The following MTREX variants were observed in gnomAD, a reference collection of about 807,000 sequenced individuals.
The protein encoded by MTREX is exosome RNA helicase MTR4.
A neutral mutation model predicts 135.4 loss-of-function variants in MTREX; 76 were observed. The ratio of observed to expected loss-of-function variants is 0.56; its 90% CI spans 0.47 to 0.68. The LOEUF is 0.68. Among genes scored for constraint, MTREX ranks in the 30% least tolerant of loss-of-function variants. The pLI, the probability that MTREX is intolerant of heterozygous loss-of-function variation, is 0.00. For synonymous variants in MTREX, 404 were observed against 401.6 expected, an observed-to-expected ratio of 1.01 and a Z score of -0.07; for missense variants, 920 against 1,262.1, an observed-to-expected ratio of 0.73 and a Z score of 4.11.
rs773471816 is a variant in MTREX at position 55,346,994 on chromosome 5, T to G, written c.1109-19T>G. 2.3e-5 allele frequency: 36 copies of G among 1,591,254 alleles called. No individual in the cohort carries two copies. Among genetic ancestry groups the G allele is most frequent in the Admixed American group, 1.5e-4 (8 of 54,980 alleles). ...TCTATTTTGAGTTAATTTTGGTGTGTTGTTTACTGTTTTTGCAGGACCATC... is the reference window on the plus strand; with the variant it reads ...TCTATTTTGAGTTAATTTTGGTGTGGTGTTTACTGTTTTTGCAGGACCATC... On this transcript the variant is annotated intron_variant, in intron 10 of 26. Coordinates refer to ENST00000230640, the MANE Select transcript of MTREX (RefSeq NM_015360.5).
At chr5:55,383,978 C>G (rs911965703) in intron 18 of MTREX, among the ~76,000 whole-genome samples, 14 of 152,144 alleles carry the variant, frequency 9.2e-5, no homozygotes, top group Admixed American at 8.5e-4. Context: ...ATTACATTGC[C>G]CAGGCTGGTT....
intron 1 of MTREX, among the ~76,000 whole-genome samples, chr5:55,314,460 C>T (rs1749166493): frequency 6.6e-6 from 1 of 152,094 alleles, no homozygotes; most frequent in Non-Finnish European, 1.5e-5. Flanking sequence ...AAGAAGGAAG[C>T]TGAAGGGAGA....
intron 10 of MTREX, among the ~76,000 whole-genome samples, chr5:55,345,664 A>ATTTTTTTTTTTTTTT (rs553778793): frequency 7.5e-6 from 1 of 132,860 alleles, no homozygotes. Flanking sequence ...GTTACTTTTA[A>ATTTTTTTTTTTTTTT]TTTTTTTTTT....
At chr5:55,386,171 T>C (rs1319588577) in intron 18 of MTREX, among the ~76,000 whole-genome samples, 1 of 152,206 alleles carries the variant, frequency 6.6e-6, no homozygotes, top group Non-Finnish European at 1.5e-5. Context: ...AATGTAATTG[T>C]AATTGTCAAT....
intron 15 of MTREX, among the ~76,000 whole-genome samples, chr5:55,360,405 CT>C (rs112334233): frequency 2.3e-3 from 335 of 143,872 alleles, no homozygotes; most frequent in Admixed American, 2.4e-3. Flanking sequence ...CTGCTATGAA[CT>C]TTTTTTTTTT....
intron 3 of MTREX, 117 bp from the exon 4 acceptor site, chr5:55,327,599 T>G: frequency 7.9e-6 from 6 of 762,766 alleles, no homozygotes; most frequent in Non-Finnish European, 1.3e-5. Context: ...ACAGCTAAAG[T>G]TCATCACTCT....
intron 14 of MTREX, among the ~76,000 whole-genome samples, chr5:55,354,322 A>T (rs1561195252): frequency 6.6e-6 from 1 of 152,266 alleles, no homozygotes; most frequent in Non-Finnish European, 1.5e-5. Flanking sequence ...AAGTAACAGC[A>T]GATGAGAATT....
intron 22 of MTREX, among the ~76,000 whole-genome samples, chr5:55,407,211 G>A (rs1293999857): frequency 6.6e-6 from 1 of 152,198 alleles, no homozygotes; most frequent in Non-Finnish European, 1.5e-5. Context: ...AGACTCAGAT[G>A]TCTTCATAGA....
intron 18 of MTREX, among the ~76,000 whole-genome samples, chr5:55,383,075 A>T (rs1168014200): frequency 6.6e-6 from 1 of 152,204 alleles, no homozygotes; most frequent in Non-Finnish European, 1.5e-5. Context: ...TTACTGCCTT[A>T]ACCTTAAACA....
intron 5 of MTREX, among the ~76,000 whole-genome samples, chr5:55,330,820 G>A (rs1196187935): frequency 2.0e-5 from 3 of 151,928 alleles, no homozygotes; most frequent in Admixed American, 6.6e-5. Flanking sequence ...TATACTTACA[G>A]CAGGCCCCTT....
At chr5:55,382,339 A>T (rs1260564138) in intron 18 of MTREX, among the ~76,000 whole-genome samples, 1 of 152,088 alleles carries the variant, frequency 6.6e-6, no homozygotes, top group African/African-American at 2.4e-5. Context: ...ACATGTATAT[A>T]TATGTATATT....
intron 23 of MTREX, among the ~76,000 whole-genome samples, chr5:55,411,946 CTTG>C (rs1344839528): frequency 5.3e-5 from 8 of 152,064 alleles, no homozygotes; most frequent in Admixed American, 2.6e-4. Context: ...TTTGCATGTT[CTTG>C]TTGTTTTATA....
intron 16 of MTREX, among the ~76,000 whole-genome samples, chr5:55,372,811 G>A (rs1451094946): frequency 6.6e-6 from 1 of 152,034 alleles, no homozygotes; most frequent in Admixed American, 6.6e-5. Context: ...GGATTTGGCA[G>A]TGATTTCTTA....
chr5:55,314,486 C>T (rs967909273), intron 1 of MTREX, among the ~76,000 whole-genome samples: 3 of 152,094 alleles, frequency 2.0e-5, no homozygotes, highest in African/African-American at 7.2e-5. Flanking sequence ...AGAAAGACAG[C>T]AACATTAGAA....
At chr5:55,328,849 T>C in intron 5 of MTREX, 38 bp downstream of exon 5, 1 of 1,343,724 alleles carries the variant, frequency 7.4e-7, no homozygotes, top group Non-Finnish European at 1.1e-6. Context: ...TTGTTTCTTA[T>C]TTCACTCTTT....
At chr5:55,369,963 C>T (rs955059575) in intron 16 of MTREX, among the ~76,000 whole-genome samples, 3 of 149,844 alleles carry the variant, frequency 2.0e-5, no homozygotes, top group African/African-American at 7.3e-5. Flanking sequence ...ATTCCTATTG[C>T]CCAGGCAATG....
At chr5:55,397,571 C>T in intron 20 of MTREX, 45 bp downstream of exon 20, 1 of 1,309,318 alleles carries the variant, frequency 7.6e-7, no homozygotes, top group Non-Finnish European at 1.1e-6. Flanking sequence ...TATGTAAATA[C>T]AGGTAGTGTT....
chr5:55,361,157 G>A (rs1347231694), intron 15 of MTREX, among the ~76,000 whole-genome samples: 1 of 152,020 alleles, frequency 6.6e-6, no homozygotes, highest in Non-Finnish European at 1.5e-5. Context: ...AGTCATGTCA[G>A]GTATATTTTC....
At chr5:55,335,630 A>G (rs1267790150) in intron 5 of MTREX, among the ~76,000 whole-genome samples, 2 of 152,032 alleles carry the variant, frequency 1.3e-5, no homozygotes, top group African/African-American at 4.8e-5. Context: ...ACTTTGTTAT[A>G]TCTTTACACT....
Sources: allele counts gnomAD v4.1 joint callset (sites outside exome capture counted in the v4.1 genomes callset), GRCh38; gene constraint gnomAD v4.1.1; transcripts MANE v1.5; gene names NCBI Gene and HGNC (gene_info 2026-07-23, HGNC 2026-07-21).